Variants in ZNF28 observed in about 807,000 individuals in gnomAD.
ZNF28 encodes zinc finger protein KOX24.
In ZNF28, 5 loss-of-function variants were observed where a neutral mutation model predicts 7.2. The ratio of observed to expected loss-of-function variants is 0.70; its 90% CI spans 0.36 to 1.46. The LOEUF (loss-of-function observed/expected upper bound fraction) is 1.46, where lower values mean the gene tolerates loss of function less well. Among genes scored for constraint, ZNF28 ranks in the 40% most tolerant of loss-of-function variants. The pLI is 0.03. For synonymous variants in ZNF28, 288 were observed against 292.4 expected, an observed-to-expected ratio of 0.99 and a Z score of 0.15; for missense variants, 879 against 866.6, an observed-to-expected ratio of 1.01 and a Z score of -0.18.
chr19:52,810,020 G>T, intron 2 of ZNF28: 1 of 749,444 alleles, frequency 1.3e-6, no homozygotes. Flanking sequence ...TGGAGCCGGA[G>T]CCCGAAGAGG....
At position 52,808,044 on chromosome 19, in the gene ZNF28, A is replaced by G. The variant is rs773866127; in HGVS notation, c.105T>C (p.Asp35=). 9 of 1,613,482 alleles carry G rather than the reference A, an allele frequency of 5.6e-6. No individual in the cohort carries two copies. The highest frequency in any genetic ancestry group is 3.3e-4 in the Middle Eastern group (2 of 6,082). Residue 35 remains aspartate, a synonymous_variant, in exon 3 of 4, where the codon GAT becomes GAC. Coordinates refer to ENST00000457749, the MANE Select transcript of ZNF28 (RefSeq NM_006969.5). ...LDPAQRTLYR[D]VMLENYRNLV... ...GGTTCCTATAATTCTCCAGCATCAC[A>G]TCCCTGTAAAGAGTCCTCTGAGCAG...
Position 52,798,441 on chromosome 19 carries a change from C to G in ZNF28, c.*1247G>C, listed in dbSNP as rs1268497520. On this transcript the variant is annotated 3_prime_UTR_variant, in exon 4 of 4. Coordinates refer to ENST00000457749, the MANE Select transcript of ZNF28 (RefSeq NM_006969.5). ...GCTATACTAATGGCATTTGAAACAACTGTCTCCAAAAGGAATTGTCTGATG... is the reference window on the plus strand; with the variant it reads ...GCTATACTAATGGCATTTGAAACAAGTGTCTCCAAAAGGAATTGTCTGATG... 2.3e-6 allele frequency: 1 copy of G among 432,068 alleles called. No homozygotes were observed. The highest frequency in any genetic ancestry group is 4.6e-6 in the Non-Finnish European group (1 of 217,388). 26.8% of individuals were successfully genotyped at this position (432,068 alleles called of 1,614,324 possible).
chr19:52,813,197 C>G (rs536106006), intron 2 of ZNF28, among the ~76,000 whole-genome samples: 72 of 136,914 alleles, frequency 5.3e-4, no homozygotes, highest in Middle Eastern at 3.8e-3. Flanking sequence ...TTAGGACTAC[C>G]CAGCAGTCTT....
At position 52,801,652 on chromosome 19, in the gene ZNF28, T is replaced by C; in HGVS notation, c.193A>G (p.Asn65Asp). 2 of 1,612,786 alleles carry C rather than the reference T, an allele frequency of 1.2e-6. No individual in the cohort carries two copies. The highest frequency in any genetic ancestry group is 2.2e-5 in the East Asian group (1 of 44,884). The change falls in exon 4 of 4, where the codon AAT becomes GAT. Residue 65 changes from asparagine to aspartate, a missense_variant. Asn to Asp is a conservative substitution (Grantham distance 23, BLOSUM62 1). Transcript: ENST00000457749. ...GTCCCTGTGTGGAACGCTTCTGTATTGCCTTGCCCTGTTGAGAAGAATGTC... is the reference window on the plus strand; with the variant it reads ...GTCCCTGTGTGGAACGCTTCTGTATCGCCTTGCCCTGTTGAGAAGAATGTC... ...MKTFFSTGQG[N>D]TEAFHTGTLQ...
intron 3 of ZNF28, among the ~76,000 whole-genome samples, chr19:52,807,045 A>G (rs1035071770): frequency 3.3e-5 from 5 of 152,172 alleles, no homozygotes; most frequent in Non-Finnish European, 5.9e-5. Context: ...CCCACACACT[A>G]TTTGAAGGTG....
Position 52,798,352 on chromosome 19 carries a change from T to A in ZNF28, c.*1336A>T, listed in dbSNP as rs1179047022. On this transcript the variant is annotated 3_prime_UTR_variant, in exon 4 of 4. Coordinates refer to ENST00000457749, the MANE Select transcript of ZNF28 (RefSeq NM_006969.5). ...GTCAATTAATGCTTAAACTCAATGT[T>A]AAGTCAACTCAAACTCAGGTCAGTG... 1 of 341,486 alleles carries A rather than the reference T, an allele frequency of 2.9e-6. No homozygotes were observed. Among genetic ancestry groups the A allele is most frequent in the African/African-American group, 2.2e-5 (1 of 45,546 alleles). The allele number at this position is 341,486 out of a possible 1,614,324, so 21.2% of individuals were successfully genotyped here. A position where few individuals can be genotyped will look rare whatever the true frequency, so the allele number is the denominator to read the frequency against.
At chr19:52,802,682 A>G (rs1012536341) in intron 3 of ZNF28, among the ~76,000 whole-genome samples, 3 of 152,194 alleles carry the variant, frequency 2.0e-5, no homozygotes, top group African/African-American at 7.2e-5. Context: ...ATCTCAAAAA[A>G]AGGAAAATGT....
Position 52,810,890 on chromosome 19 carries a change from C to G in ZNF28, c.16-2757G>C, listed in dbSNP as rs1443673955. Among the ~76,000 whole-genome samples, 25 of 15,184 alleles carry G rather than the reference C, an allele frequency of 1.6e-3. 2 individuals are homozygous for G. Among genetic ancestry groups the G allele is most frequent in the African/African-American group, 6.2e-3 (24 of 3,882 alleles). The allele number at this position is 15,184 out of a possible 152,430, so 10.0% of individuals were successfully genotyped here. On this transcript the variant is annotated intron_variant, in intron 2 of 3. Coordinates refer to ENST00000457749, the MANE Select transcript of ZNF28 (RefSeq NM_006969.5). ...CCCCCTCCCCCTCCCCCTCCCCCTC[C>G]CCCTCCCCCTCCCTCTCCCTCTCCC...
chr19:52,801,449 T>C lies in ZNF28; in HGVS notation c.396A>G (p.Gly132=). The C allele has an allele frequency of 6.2e-7, 1 of 1,614,224 alleles. No individual in the cohort carries two copies. The highest frequency in any genetic ancestry group is 8.5e-7 in the Non-Finnish European group (1 of 1,180,034). The change falls in exon 4 of 4, where the codon GGA becomes GGG. Residue 132 remains glycine, a synonymous_variant. Transcript: ENST00000457749. ...STGQHDQRHA[G]NKHIKDQLGL... is the part of the protein sequence containing the mutation. ...CAAGCTGATCTTTAATATGCTTGTT[T>C]CCAGCATGCCTTTGATCATGTTGGC...
chr19:52,817,152 C>A (rs1189471073), intron 2 of ZNF28, among the ~76,000 whole-genome samples: 1 of 152,106 alleles, frequency 6.6e-6, no homozygotes, highest in African/African-American at 2.4e-5. Context: ...GTAGGCGGAT[C>A]GCCTGAGGTC....
At chr19:52,820,827 C>A (rs902734311) in intron 1 of ZNF28, among the ~76,000 whole-genome samples, 4 of 151,956 alleles carry the variant, frequency 2.6e-5, no homozygotes. Flanking sequence ...CCCTCACCAT[C>A]CTCTACTTTG....
chr19:52,800,781 T>A lies in ZNF28; in HGVS notation c.1064A>T (p.Tyr355Phe). 6.2e-7 allele frequency: 1 copy of A among 1,614,178 alleles called. No homozygotes were observed. The highest frequency in any genetic ancestry group is 1.3e-5 in the African/African-American group (1 of 75,060). ...HTIIHTGEKP[Y>F]KCNECGKVFN... is the part of the protein sequence containing the mutation. ...AACCTTGCCACATTCATTACACTTG[T>A]AAGGTTTCTCTCCAGTGTGAATTAT... The change falls in exon 4 of 4, where the codon TAC becomes TTC. Residue 355 changes from tyrosine to phenylalanine, a missense_variant. By Grantham distance (22) the Tyr-to-Phe change is conservative. Coordinates refer to ENST00000457749, the MANE Select transcript of ZNF28 (RefSeq NM_006969.5).
Position 52,798,996 on chromosome 19 carries a change from C to T in ZNF28, c.*692G>A. ...GCCAGGTGTGAATCACTCCCAAAAG[C>T]CTTGTTACAAACCTTACATTTGTAT... On this transcript the variant is annotated 3_prime_UTR_variant, in exon 4 of 4. Coordinates refer to ENST00000457749, the MANE Select transcript of ZNF28 (RefSeq NM_006969.5). The T allele has an allele frequency of 1.1e-6, 1 of 941,980 alleles. No individual in the cohort carries two copies. Among genetic ancestry groups the T allele is most frequent in the Non-Finnish European group, 1.6e-6 (1 of 644,380 alleles). 58.4% of individuals were successfully genotyped at this position (941,980 alleles called of 1,614,324 possible). A position where few individuals can be genotyped will look rare whatever the true frequency, so the allele number is the denominator to read the frequency against.
chr19:52,818,211 C>T (rs988184314), intron 1 of ZNF28, among the ~76,000 whole-genome samples, 180 bp from the exon 2 acceptor site: 1 of 152,202 alleles, frequency 6.6e-6, no homozygotes, highest in African/African-American at 2.4e-5. Context: ...GAAGCCCACA[C>T]ACACGCTGCA....
intron 2 of ZNF28, among the ~76,000 whole-genome samples, chr19:52,815,885 C>G (rs1447258554): frequency 1.4e-5 from 2 of 147,182 alleles, no homozygotes; most frequent in Admixed American, 6.8e-5. Context: ...ATAATTGGTA[C>G]AACAAACTCC....
intron 2 of ZNF28, 131 bp downstream of exon 2, chr19:52,817,813 A>C: frequency 1.3e-6 from 2 of 1,551,780 alleles, no homozygotes; most frequent in Non-Finnish European, 8.8e-7. Flanking sequence ...GATGAACTGA[A>C]GGAAGGCATG....
chr19:52,818,002 T>C lies in ZNF28; in HGVS notation c.-44A>G. ...CCTCTTCCTCTTCTGGGTTTCTTCC[T>C]CACGTACCAAGATTCTTTAGAAGTC... is the stretch of plus-strand genomic sequence containing the variant. On this transcript the variant is annotated 5_prime_UTR_variant, in exon 2 of 4. Coordinates refer to ENST00000457749, the MANE Select transcript of ZNF28 (RefSeq NM_006969.5). The C allele has an allele frequency of 1.2e-6, 2 of 1,610,156 alleles. No individual in the cohort carries two copies. The highest frequency in any genetic ancestry group is 1.7e-6 in the Non-Finnish European group (2 of 1,179,418).
intron 2 of ZNF28, among the ~76,000 whole-genome samples, chr19:52,815,404 C>T (rs1481138654): frequency 6.9e-6 from 1 of 145,452 alleles, no homozygotes; most frequent in Admixed American, 7.0e-5. Context: ...GTAGTCCCAG[C>T]TACTCGAGAG....
rs1403806590 is a variant in ZNF28 at position 52,800,763 on chromosome 19, C to T, written c.1082G>A (p.Gly361Asp). ...GGTTGACAGTCGATTAAAAACCTTG[C>T]CACATTCATTACACTTGTAAGGTTT... ...GEKPYKCNECGKVFNRLSTLA... is the reference protein window; with the variant it reads ...GEKPYKCNECDKVFNRLSTLA... Residue 361 changes from glycine (G) to aspartate (D), a missense_variant, in exon 4 of 4, where the codon GGC (glycine) becomes GAC (aspartate). Coordinates refer to ENST00000457749, the MANE Select transcript of ZNF28 (RefSeq NM_006969.5). The T allele has an allele frequency of 1.2e-6, 2 of 1,613,998 alleles. No homozygotes were observed. Among genetic ancestry groups the T allele is most frequent in the South Asian group, 1.1e-5 (1 of 91,078 alleles).
Sources: gnomAD v4.1 joint callset for allele counts (sites outside exome capture counted in the v4.1 genomes callset) on GRCh38, gnomAD v4.1.1 for gene constraint, MANE v1.5 for transcripts, NCBI Gene and HGNC (gene_info 2026-07-23, HGNC 2026-07-21) for gene names.